The following SLC22A3 variants were observed in gnomAD, a reference collection of about 807,000 sequenced individuals.
The protein encoded by SLC22A3 is EMT organic cation transporter 3.
A neutral mutation model predicts 59.1 loss-of-function variants in SLC22A3; 51 were observed. The observed-to-expected ratio is 0.86, with a 90% confidence interval of 0.69 to 1.09. SLC22A3 has a LOEUF of 1.09. Among genes scored for constraint, SLC22A3 ranks in the 50% least tolerant of loss-of-function variants. The pLI is 0.00. For synonymous variants in SLC22A3, 325 were observed against 292.0 expected, an observed-to-expected ratio of 1.11 and a Z score of -1.15; for missense variants, 711 against 726.3, an observed-to-expected ratio of 0.98 and a Z score of 0.24.
intron 8 of SLC22A3, among the ~76,000 whole-genome samples, chr6:160,443,075 A>C (rs1042187625): frequency 6.6e-6 from 1 of 152,232 alleles, no homozygotes; most frequent in Non-Finnish European, 1.5e-5. Context: ...AGTATTTCTC[A>C]TATTAATATC....
At chr6:160,413,714 G>T (rs1040330278) in intron 5 of SLC22A3, among the ~76,000 whole-genome samples, 2 of 152,206 alleles carry the variant, frequency 1.3e-5, no homozygotes, top group Non-Finnish European at 2.9e-5. Flanking sequence ...GATCCCTCTT[G>T]TGGGAGCAAA....
chr6:160,348,862 G>T lies in SLC22A3; in HGVS notation c.429+14G>T. The stretch of plus-strand genomic sequence containing the variant: ...ATCGTCAGCGAGGTAAGGGCGCCCC[G>T]GCCCTTTGGAAGCCGGCGGGAGAGG... On this transcript the variant is annotated intron_variant, in intron 1 of 10. Transcript: ENST00000275300. The T allele has an allele frequency of 6.4e-7, 1 of 1,569,886 alleles. No homozygotes were observed.
At chr6:160,389,883 G>T (rs1786180771) in intron 1 of SLC22A3, among the ~76,000 whole-genome samples, 1 of 152,190 alleles carries the variant, frequency 6.6e-6, no homozygotes, top group Non-Finnish European at 1.5e-5. Flanking sequence ...GCTCCAGCAG[G>T]GATGGGGCAG....
chr6:160,410,926 C>A, intron 5 of SLC22A3, 80 bp downstream of exon 5: 1 of 769,842 alleles, frequency 1.3e-6, no homozygotes, highest in Non-Finnish European at 2.2e-6. Flanking sequence ...CTTAATGTTG[C>A]TTCTTAAATT....
intron 1 of SLC22A3, among the ~76,000 whole-genome samples, chr6:160,395,689 T>G (rs949045516): frequency 5.3e-5 from 8 of 152,204 alleles, no homozygotes; most frequent in Non-Finnish European, 1.0e-4. Flanking sequence ...TGATTACAAC[T>G]ATTATGCATA....
chr6:160,449,587 C>T (rs1401240992), intron 10 of SLC22A3, among the ~76,000 whole-genome samples: 1 of 152,116 alleles, frequency 6.6e-6, no homozygotes, highest in Admixed American at 6.5e-5. Context: ...ATTATTTTAT[C>T]GTTTCTGCTG....
intron 2 of SLC22A3, among the ~76,000 whole-genome samples, chr6:160,404,582 G>A (rs1330232420): frequency 6.6e-6 from 1 of 152,002 alleles, no homozygotes; most frequent in Non-Finnish European, 1.5e-5. Context: ...TGTGGATATT[G>A]ACAAACTAGT....
chr6:160,409,005 A>G (rs926670964), intron 4 of SLC22A3, 84 bp downstream of exon 4: 14 of 1,222,316 alleles, frequency 1.1e-5, no homozygotes, highest in Non-Finnish European at 1.6e-5. Context: ...AAAGCAATAA[A>G]GAAAATTTTC....
At chr6:160,433,239 CAT>C (rs1309749216) in intron 5 of SLC22A3, among the ~76,000 whole-genome samples, 1 of 152,172 alleles carries the variant, frequency 6.6e-6, no homozygotes, top group African/African-American at 2.4e-5. Flanking sequence ...TCTAACATGT[CAT>C]AATTCTGTGG....
At chr6:160,406,642 T>C (rs1460590244) in intron 2 of SLC22A3, among the ~76,000 whole-genome samples, 2 of 152,232 alleles carry the variant, frequency 1.3e-5, no homozygotes. Context: ...CAAGGTCTTA[T>C]GACTGGTAGA....
intron 5 of SLC22A3, among the ~76,000 whole-genome samples, chr6:160,413,271 C>T (rs1476691950): frequency 3.9e-5 from 6 of 152,108 alleles, no homozygotes; most frequent in East Asian, 1.9e-4. Flanking sequence ...TCATGAGCAC[C>T]GTAGAGATCA....
intron 5 of SLC22A3, among the ~76,000 whole-genome samples, chr6:160,420,109 C>T (rs1057395591): frequency 6.6e-6 from 1 of 152,212 alleles, no homozygotes; most frequent in Non-Finnish European, 1.5e-5. Flanking sequence ...CACTCATTTC[C>T]TTCCCCAAAT....
At chr6:160,450,820 T>TGTCG (rs59215673) in intron 10 of SLC22A3, among the ~76,000 whole-genome samples, 176 bp from the exon 11 acceptor site, 52 of 151,672 alleles carry the variant, frequency 3.4e-4, no homozygotes, top group Middle Eastern at 3.2e-3. Context: ...GCAACACCCC[T>TGTCG]AAGGTCTGAA....
chr6:160,352,038 T>A (rs1008593830), intron 1 of SLC22A3, among the ~76,000 whole-genome samples: 4 of 152,244 alleles, frequency 2.6e-5, no homozygotes, highest in Admixed American at 6.5e-5. Flanking sequence ...GGTCCTCCAA[T>A]GGGCTACTTT....
intron 2 of SLC22A3, 39 bp downstream of exon 2, chr6:160,398,121 T>C (rs372715077): frequency 8.4e-5 from 115 of 1,369,260 alleles, no homozygotes; most frequent in Admixed American, 8.4e-5. Flanking sequence ...GTCACTATAA[T>C]ACCATGCATT....
intron 5 of SLC22A3, among the ~76,000 whole-genome samples, chr6:160,420,494 G>A (rs893548912): frequency 1.3e-5 from 2 of 152,210 alleles, no homozygotes; most frequent in African/African-American, 2.4e-5. Context: ...CCACATTATG[G>A]TCCCATAAAC....
intron 9 of SLC22A3, among the ~76,000 whole-genome samples, 184 bp from the exon 10 acceptor site, chr6:160,447,535 G>A (rs1175715797): frequency 6.6e-6 from 1 of 152,168 alleles, no homozygotes; most frequent in Non-Finnish European, 1.5e-5. Context: ...CAGGGTTTGA[G>A]GAAGGGAGAG....
chr6:160,390,489 G>A (rs1445442244), intron 1 of SLC22A3, among the ~76,000 whole-genome samples: 1 of 152,170 alleles, frequency 6.6e-6, no homozygotes, highest in East Asian at 1.9e-4. Context: ...CTGAGAGACA[G>A]TCCCATCATG....
intron 1 of SLC22A3, among the ~76,000 whole-genome samples, chr6:160,359,840 T>C (rs1024705948): frequency 1.6e-4 from 24 of 150,172 alleles, no homozygotes; most frequent in African/African-American, 5.6e-4. Context: ...GTGATTTTTT[T>C]ATATGTGAAG....
Sources: gnomAD v4.1 joint callset for allele counts (sites outside exome capture counted in the v4.1 genomes callset) on GRCh38, gnomAD v4.1.1 for gene constraint, MANE v1.5 for transcripts, NCBI Gene and HGNC (gene_info 2026-07-23, HGNC 2026-07-21) for gene names.